The following GXYLT2 variants were observed in gnomAD, a reference collection of about 807,000 sequenced individuals.
GXYLT2 encodes glucoside xylosyltransferase 2, also known as glycosyltransferase 8 domain containing 4.
GXYLT2 carries 53 observed loss-of-function variants against 45.8 expected under a neutral mutation model. The observed-to-expected ratio is 1.16, with a 90% CI of 0.93 to 1.46. The LOEUF (loss-of-function observed/expected upper bound fraction) is 1.46. Among genes scored for constraint, GXYLT2 ranks in the 40% most tolerant of loss-of-function variants. The pLI is 0.00. For synonymous variants in GXYLT2, 219 were observed against 214.2 expected (o/e 1.02, Z -0.19); for missense variants, 551 against 544.4 (o/e 1.01, Z -0.12).
chr3:72,956,080 G>A (rs1710638587), intron 4 of GXYLT2, among the ~76,000 whole-genome samples: 1 of 152,066 alleles, frequency 6.6e-6, no homozygotes, highest in Non-Finnish European at 1.5e-5. Context: ...TTATTTGTAT[G>A]CCTTAGAAAT....
At chr3:72,902,307 G>A (rs1004467559) in intron 1 of GXYLT2, among the ~76,000 whole-genome samples, 2 of 152,172 alleles carry the variant, frequency 1.3e-5, no homozygotes, top group Non-Finnish European at 2.9e-5. Flanking sequence ...CACCAGCAAT[G>A]TTTGAGGATC....
intron 6 of GXYLT2, 51 bp downstream of exon 6, chr3:72,967,770 A>G: frequency 6.5e-7 from 1 of 1,528,888 alleles, no homozygotes; most frequent in Non-Finnish European, 9.0e-7. Context: ...GCATGAAGCA[A>G]TATTGGCGCT....
intron 1 of GXYLT2, among the ~76,000 whole-genome samples, chr3:72,902,386 C>T (rs1306917244): frequency 1.3e-5 from 2 of 152,120 alleles, no homozygotes; most frequent in East Asian, 3.9e-4. Context: ...CAGAAATTGT[C>T]AGTGATAACA....
intron 6 of GXYLT2, among the ~76,000 whole-genome samples, chr3:72,968,568 C>A (rs1037188422): frequency 1.3e-5 from 2 of 152,182 alleles, no homozygotes; most frequent in African/African-American, 4.8e-5. Flanking sequence ...CCAAAGGGTA[C>A]AAGATAAGAG....
At chr3:72,913,590 G>T (rs1337453518) in intron 2 of GXYLT2, among the ~76,000 whole-genome samples, 1 of 152,050 alleles carries the variant, frequency 6.6e-6, no homozygotes, top group African/African-American at 2.4e-5. Context: ...AGCTACTCGG[G>T]AGTCTGAGGC....
chr3:72,924,093 A>G (rs1709877745), intron 3 of GXYLT2, among the ~76,000 whole-genome samples: 1 of 152,198 alleles, frequency 6.6e-6, no homozygotes, highest in South Asian at 2.1e-4. Flanking sequence ...AAAGAAGGTC[A>G]TAGTAACCAA....
At chr3:72,906,294 C>T (rs1055056585) in intron 1 of GXYLT2, among the ~76,000 whole-genome samples, 1 of 152,128 alleles carries the variant, frequency 6.6e-6, no homozygotes, top group Non-Finnish European at 1.5e-5. Flanking sequence ...CTGCTGTCCC[C>T]TCTGCGTGGC....
At chr3:72,929,708 GAA>G (rs757262683) in intron 3 of GXYLT2, 188 of 592,742 alleles carry the variant, frequency 3.2e-4, no homozygotes, top group Admixed American at 5.5e-4. Flanking sequence ...ACAACATCCA[GAA>G]AAAAGAAAAT....
At position 72,976,829 on chromosome 3, in the gene GXYLT2, C is replaced by G. The variant is rs1307733807; in HGVS notation, c.*1670C>G. Reference sequence around the variant, plus strand: ...GAAATAAACATATTGAATATAATTGCTATTCTGTAAGACATACAGTCTGTG... The same window carrying G: ...GAAATAAACATATTGAATATAATTGGTATTCTGTAAGACATACAGTCTGTG... On this transcript the variant is annotated 3_prime_UTR_variant, in exon 7 of 7. Transcript: ENST00000389617. The G allele has an allele frequency of 6.6e-6, 1 of 152,026 alleles. No homozygotes were observed. Among genetic ancestry groups the G allele is most frequent in the African/African-American group, 2.4e-5 (1 of 41,368 alleles). The allele number at this position is 152,026 out of a possible 1,614,324, so 9.4% of individuals were successfully genotyped here.
chr3:72,971,144 C>T (rs1710980038), intron 6 of GXYLT2, among the ~76,000 whole-genome samples: 1 of 152,116 alleles, frequency 6.6e-6, no homozygotes, highest in Non-Finnish European at 1.5e-5. Flanking sequence ...TGTGATCTGT[C>T]ACCCCTGGTT....
intron 6 of GXYLT2, among the ~76,000 whole-genome samples, chr3:72,972,771 A>T (rs1157222012): frequency 1.3e-5 from 2 of 151,614 alleles, no homozygotes; most frequent in Admixed American, 1.3e-4. Flanking sequence ...TTAAAAAAAA[A>T]AAAAAAAAAT....
chr3:72,963,234 G>C (rs908545872), intron 5 of GXYLT2, among the ~76,000 whole-genome samples: 1 of 152,174 alleles, frequency 6.6e-6, no homozygotes. Context: ...GCATAAACTA[G>C]TTCATAATCT....
chr3:72,957,741 C>T (rs181487848), intron 5 of GXYLT2, among the ~76,000 whole-genome samples: 6 of 152,186 alleles, frequency 3.9e-5, no homozygotes, highest in African/African-American at 1.4e-4. Context: ...TCTCAGGGTC[C>T]TTGGAGTTCA....
At position 72,975,515 on chromosome 3, in the gene GXYLT2, A is replaced by C. The variant is rs1328406455; in HGVS notation, c.*356A>C. ...GTGTTATATTGATCTAGCATTCCTG[A>C]GACTCTTTCTATGCAACTGACTCCC... On this transcript the variant is annotated 3_prime_UTR_variant, in exon 7 of 7. Coordinates refer to ENST00000389617, the MANE Select transcript of GXYLT2 (RefSeq NM_001080393.2). The C allele has an allele frequency of 5.7e-6, 1 of 173,968 alleles. No homozygotes were observed. The highest frequency in any genetic ancestry group is 2.4e-5 in the African/African-American group (1 of 42,246). The allele number at this position is 173,968 out of a possible 1,614,324, so 10.8% of individuals were successfully genotyped here.
chr3:72,966,992 C>A (rs1710878498), intron 5 of GXYLT2, among the ~76,000 whole-genome samples: 1 of 152,136 alleles, frequency 6.6e-6, no homozygotes, highest in Non-Finnish European at 1.5e-5. Flanking sequence ...TGTTCTCAAA[C>A]TCCTGACCTC....
rs771569626 is a variant in GXYLT2, at chr3:72,961,659, C to CAAAAA, written c.976+4319_976+4323dup. Among the ~76,000 whole-genome samples the CAAAAA allele has an allele frequency of 2.8e-4, 27 of 94,756 alleles. 1 individual carries two copies. Among genetic ancestry groups the CAAAAA allele is most frequent in the South Asian group, 4.8e-4 (1 of 2,068 alleles). 62.2% of individuals were successfully genotyped at this position (94,756 alleles called of 152,430 possible). Reference sequence around the variant, plus strand: ...TCTGTTTCCTAATTTGAATTCTTAGCAAAAAAAAAAAAAAAAGAGAGAGAG... The same window carrying CAAAAA: ...TCTGTTTCCTAATTTGAATTCTTAGCAAAAAAAAAAAAAAAAAAAAAGAGAGAGAG... On this transcript the variant is annotated intron_variant, in intron 5 of 6. Transcript: ENST00000389617.
intron 3 of GXYLT2, among the ~76,000 whole-genome samples, chr3:72,942,066 T>TA (rs1332571852): frequency 3.3e-5 from 5 of 152,060 alleles, no homozygotes; most frequent in African/African-American, 1.2e-4. Flanking sequence ...AAGGATGTGC[T>TA]AAAAAATATT....
At position 72,975,336 on chromosome 3, in the gene GXYLT2, A is replaced by ATT; in HGVS notation, c.*185_*186dup. 2.6e-6 allele frequency: 1 copy of ATT among 381,456 alleles called. No homozygotes were observed. The highest frequency in any genetic ancestry group is 3.9e-5 in the East Asian group (1 of 25,772). 23.6% of individuals were successfully genotyped at this position (381,456 alleles called of 1,614,324 possible). ...CCCAAAAGGGAATATGCTTTTCCTT[A>ATT]TTTTTTTTTCTAAAATGCTATTTAT... On this transcript the variant is annotated 3_prime_UTR_variant, in exon 7 of 7. Transcript: ENST00000389617.
At chr3:72,933,953 T>C (rs535949552) in intron 3 of GXYLT2, among the ~76,000 whole-genome samples, 9 of 152,248 alleles carry the variant, frequency 5.9e-5, no homozygotes, top group African/African-American at 1.9e-4. Context: ...TTGGGAGTTC[T>C]CAGAATGAAA....
Sources: gnomAD v4.1 joint callset for allele counts (sites outside exome capture counted in the v4.1 genomes callset) on GRCh38, gnomAD v4.1.1 for gene constraint, MANE v1.5 for transcripts, NCBI Gene and HGNC (gene_info 2026-07-23, HGNC 2026-07-21) for gene names.